PPP3CA: variants seen among roughly 807,000 people sequenced by gnomAD.
PPP3CA encodes the protein CAM-PRP catalytic subunit.
PPP3CA carries 14 observed loss-of-function variants against 66.5 expected under a neutral mutation model. The observed-to-expected ratio is 0.21, with a 90% CI of 0.14 to 0.33. PPP3CA has a LOEUF of 0.33. Among genes scored for constraint, PPP3CA ranks in the 10% least tolerant of loss-of-function variants. PPP3CA has a pLI of 1.00. For missense variants in PPP3CA, 317 were observed against 639.5 expected (o/e 0.50, Z 5.44); for synonymous variants, 232 against 226.2 (o/e 1.03, Z -0.23).
At chr4:101,073,766 G>C (rs769604276) in intron 8 of PPP3CA, among the ~76,000 whole-genome samples, 6 of 152,016 alleles carry the variant, frequency 3.9e-5, no homozygotes, top group Non-Finnish European at 5.9e-5. Context: ...ATAAATGAAG[G>C]AATGAATTAG....
chr4:101,029,356 A>AAAAAAAAAAAAAAAAAAAAAAAAAAAAC, intron 12 of PPP3CA, among the ~76,000 whole-genome samples, 161 bp from the exon 13 acceptor site: 2 of 104,114 alleles, frequency 1.9e-5, no homozygotes, highest in South Asian at 3.5e-4. Flanking sequence ...CTAAAAAAAA[A>AAAAAAAAAAAAAAAAAAAAAAAAAAAAC]AAAAAAAAAA....
At chr4:101,241,566 T>C (rs1726310949) in intron 1 of PPP3CA, among the ~76,000 whole-genome samples, 1 of 152,164 alleles carries the variant, frequency 6.6e-6, no homozygotes, top group Non-Finnish European at 1.5e-5. Context: ...TATTTAGTTG[T>C]CTATAACAAT....
Position 101,098,392 on chromosome 4 carries a change from A to G in PPP3CA, c.617T>C (p.Ile206Thr). The G allele has an allele frequency of 6.2e-7, 1 of 1,609,198 alleles. No homozygotes were observed. The highest frequency in any genetic ancestry group is 8.5e-7 in the Non-Finnish European group (1 of 1,178,158). The change falls in exon 5 of 14, where the codon ATT (isoleucine) becomes ACT (threonine). Residue 206 changes from isoleucine to threonine, a missense_variant. Transcript: ENST00000394854. ...TTTTCTGATATCATCTAAAGTGTTA[A>G]TCTCTGGAGACAAACCACCATGCAC... ...LCVHGGLSPE[I>T]NTLDDIRKLD...
intron 1 of PPP3CA, among the ~76,000 whole-genome samples, chr4:101,213,677 G>C (rs1725373364): frequency 6.6e-6 from 1 of 151,998 alleles, no homozygotes; most frequent in South Asian, 2.1e-4. Flanking sequence ...CTATGTAATA[G>C]GTATCACAGT....
chr4:101,335,040 G>A (rs1390586837), intron 1 of PPP3CA, among the ~76,000 whole-genome samples: 1 of 152,060 alleles, frequency 6.6e-6, no homozygotes, highest in Non-Finnish European at 1.5e-5. Context: ...AGTGAAAGTA[G>A]CATTTTAGGG....
chr4:101,171,251 CTTACTGAATA>C, intron 2 of PPP3CA: 1 of 455,102 alleles, frequency 2.2e-6, no homozygotes, highest in Non-Finnish European at 4.4e-6. Context: ...TCAATTCAGA[CTTACTGAATA>C]ACAATCTCCC....
rs72004461 is a variant in PPP3CA at position 101,289,870 on chromosome 4, A to ATGTGTGTG, written c.58+56861_58+56868dup. Among the ~76,000 whole-genome samples the ATGTGTGTG allele has an allele frequency of 4.4e-3, 623 of 141,816 alleles. 5 individuals carry two copies. The highest frequency in any genetic ancestry group is 0.013 in the African/African-American group (517 of 38,558). The allele number at this position is 141,816 out of a possible 152,430, so 93.0% of individuals were successfully genotyped here. ...CACTATAATCCCAAAATGTCCGTGTATGTGTGTGTGTGTGTGTGTGTGTGT... is the reference window on the plus strand; with the variant it reads ...CACTATAATCCCAAAATGTCCGTGTATGTGTGTGTGTGTGTGTGTGTGTGTGTGTGTGT... On this transcript the variant is annotated intron_variant, in intron 1 of 13. Transcript: ENST00000394854.
At chr4:101,246,812 T>C (rs1028080823) in intron 1 of PPP3CA, among the ~76,000 whole-genome samples, 1 of 152,160 alleles carries the variant, frequency 6.6e-6, no homozygotes, top group Non-Finnish European at 1.5e-5. Flanking sequence ...TGATTTATAA[T>C]AGACTTAATT....
chr4:101,153,653 A>G (rs1723214568), intron 2 of PPP3CA, among the ~76,000 whole-genome samples: 1 of 152,226 alleles, frequency 6.6e-6, no homozygotes, highest in Admixed American at 6.5e-5. Flanking sequence ...AAACCAAACT[A>G]AGAATCCTAT....
intron 2 of PPP3CA, among the ~76,000 whole-genome samples, chr4:101,155,307 AG>A (rs1327927086): frequency 6.6e-6 from 1 of 152,198 alleles, no homozygotes; most frequent in Non-Finnish European, 1.5e-5. Context: ...ATAATAAAAG[AG>A]TAGATGAATG....
intron 2 of PPP3CA, among the ~76,000 whole-genome samples, chr4:101,116,953 C>G (rs1215614503): frequency 1.3e-5 from 2 of 151,426 alleles, no homozygotes; most frequent in South Asian, 2.1e-4. Flanking sequence ...TTTCTACCAG[C>G]ACTTTTTTGG....
intron 1 of PPP3CA, among the ~76,000 whole-genome samples, chr4:101,264,351 G>C (rs1025974288): frequency 6.6e-6 from 1 of 151,946 alleles, no homozygotes; most frequent in Non-Finnish European, 1.5e-5. Flanking sequence ...AATTTTAATA[G>C]GAATTGAGTC....
chr4:101,285,605 G>A (rs968048282), intron 1 of PPP3CA, among the ~76,000 whole-genome samples: 1 of 92,772 alleles, frequency 1.1e-5, no homozygotes, highest in Admixed American at 1.0e-4. Flanking sequence ...GTGTATGTGT[G>A]TGTGTGTGTG....
intron 1 of PPP3CA, among the ~76,000 whole-genome samples, chr4:101,249,274 C>T (rs973664898): frequency 1.3e-5 from 2 of 151,926 alleles, no homozygotes; most frequent in Admixed American, 6.6e-5. Context: ...TTTACAGACA[C>T]GTTATCCACC....
intron 3 of PPP3CA, among the ~76,000 whole-genome samples, chr4:101,106,448 A>AG (rs1560605053): frequency 8.8e-5 from 1 of 11,360 alleles, no homozygotes; most frequent in African/African-American, 3.6e-4. Context: ...AAAGAAAGAA[A>AG]GAAAGAGAAA....
intron 1 of PPP3CA, among the ~76,000 whole-genome samples, chr4:101,278,912 T>C (rs1727596110): frequency 6.6e-6 from 1 of 152,222 alleles, no homozygotes; most frequent in Non-Finnish European, 1.5e-5. Flanking sequence ...CCACTTTTCA[T>C]ACACACTATA....
In PPP3CA at chr4:101,024,769, G is replaced by C. The variant is rs1405011703; in HGVS notation, c.*1096C>G. On this transcript the variant is annotated 3_prime_UTR_variant, in exon 14 of 14. Coordinates refer to ENST00000394854, the MANE Select transcript of PPP3CA (RefSeq NM_000944.5). ...ACTTTAAAGAATACTCTCCCCTTTAGATTTTTTCAAAGCTTTTTTTTGATT... is the reference window on the plus strand; with the variant it reads ...ACTTTAAAGAATACTCTCCCCTTTACATTTTTTCAAAGCTTTTTTTTGATT... 6.6e-6 allele frequency: 1 copy of C among 152,414 alleles called. No homozygotes were observed. The highest frequency in any genetic ancestry group is 1.5e-5 in the Non-Finnish European group (1 of 68,004). The allele number at this position is 152,414 out of a possible 1,614,324, so 9.4% of individuals were successfully genotyped here.
intron 10 of PPP3CA, among the ~76,000 whole-genome samples, chr4:101,043,378 TCAAA>T (rs1727614081): frequency 6.6e-6 from 1 of 152,056 alleles, no homozygotes; most frequent in Non-Finnish European, 1.5e-5. Context: ...AGAAAAATGC[TCAAA>T]TACATACTAA....
intron 6 of PPP3CA, among the ~76,000 whole-genome samples, chr4:101,088,220 CT>C (rs1349152270): frequency 1.3e-5 from 2 of 152,106 alleles, no homozygotes; most frequent in African/African-American, 4.8e-5. Flanking sequence ...TTTTACTTGT[CT>C]GTTTCTGCTT....
Sources: gnomAD v4.1 joint callset for allele counts (sites outside exome capture counted in the v4.1 genomes callset) on GRCh38, gnomAD v4.1.1 for gene constraint, MANE v1.5 for transcripts, NCBI Gene and HGNC (gene_info 2026-07-23, HGNC 2026-07-21) for gene names.